The following OXA1L variants were observed in gnomAD, a reference collection of about 807,000 sequenced individuals.
OXA1L encodes OXA1L mitochondrial inner membrane insertase, also known as mitochondrial inner membrane protein OXA1L.
OXA1L carries 42 observed loss-of-function variants against 52.2 expected under a neutral mutation model. The observed-to-expected ratio is 0.80, with a 90% CI of 0.63 to 1.04. The LOEUF (loss-of-function observed/expected upper bound fraction) is 1.04. Ranked by LOEUF, OXA1L falls within the 50% of genes least tolerant of loss-of-function variation. The pLI is 0.00. For synonymous variants in OXA1L, 239 were observed against 201.9 expected, an observed-to-expected ratio of 1.18 and a Z score of -1.56; for missense variants, 572 against 555.0, an observed-to-expected ratio of 1.03 and a Z score of -0.31.
At chr14:22,771,381 T>C in intron 9 of OXA1L, 33 bp downstream of exon 9, 1 of 1,613,870 alleles carries the variant, frequency 6.2e-7, no homozygotes, top group Non-Finnish European at 8.5e-7. Context: ...ATTCTGTCTT[T>C]TGTTTCTTCC....
chr14:22,767,511 G>T, intron 2 of OXA1L, 102 bp downstream of exon 2: 1 of 995,454 alleles, frequency 1.0e-6, no homozygotes, highest in Non-Finnish European at 1.5e-6. Context: ...CAGAGTTCTT[G>T]TCCACGCTCC....
chr14:22,770,140 ACCTCC>A, intron 4 of OXA1L, 48 bp from the exon 5 acceptor site: 11 of 1,390,040 alleles, frequency 7.9e-6, no homozygotes, highest in Non-Finnish European at 1.1e-5. Context: ...GAGGATGTTC[ACCTCC>A]ACTGATGTAA....
At chr14:22,767,204 T>G (rs755206825) in intron 1 of OXA1L, 44 bp from the exon 2 acceptor site, 17 of 1,579,228 alleles carry the variant, frequency 1.1e-5, no homozygotes, top group Non-Finnish European at 1.4e-5. Flanking sequence ...CGCGAGGACT[T>G]CTGCTCCCGG....
In OXA1L at chr14:22,772,254, G is replaced by A. The variant is rs2038477470; in HGVS notation, c.*696G>A. ...ATCCCAGCACTTTTGGGAGGCCAAG[G>A]CGGGCGGATCACGAAGTCAGCAGAT... On this transcript the variant is annotated 3_prime_UTR_variant, in exon 10 of 10. Transcript: ENST00000612549. The A allele has an allele frequency of 6.6e-6, 1 of 151,152 alleles. No homozygotes were observed. Among genetic ancestry groups the A allele is most frequent in the Non-Finnish European group, 1.5e-5 (1 of 67,858 alleles). 9.4% of individuals were successfully genotyped at this position (151,152 alleles called of 1,614,324 possible). A position where few individuals can be genotyped will look rare whatever the true frequency, so the allele number is the denominator to read the frequency against.
intron 4 of OXA1L, 54 bp from the exon 5 acceptor site, chr14:22,770,137 TTC>T: frequency 7.9e-6 from 11 of 1,384,400 alleles, no homozygotes; most frequent in Non-Finnish European, 1.1e-5. Flanking sequence ...AATGAGGATG[TTC>T]ACCTCCACTG....
At position 22,768,077 on chromosome 14, in the gene OXA1L, G is replaced by C. The variant is rs2038425532; in HGVS notation, c.345G>C (p.Gly115=). Residue 115 remains glycine (G), a synonymous_variant, in exon 3 of 10, where the codon GGG becomes GGC. Transcript: ENST00000612549. ...TAAEQSFAEL[G]LGSYTPVGLI... Reference sequence around the variant, plus strand: ...CAGAGCAGAGCTTCGCTGAACTGGGGCTGGGGTCATACACCCCAGTGGGAC... The same window carrying C: ...CAGAGCAGAGCTTCGCTGAACTGGGCCTGGGGTCATACACCCCAGTGGGAC... The C allele has an allele frequency of 6.2e-7, 1 of 1,613,834 alleles. No homozygotes were observed. The highest frequency in any genetic ancestry group is 1.7e-5 in the Admixed American group (1 of 60,012).
intron 2 of OXA1L, 173 bp from the exon 3 acceptor site, chr14:22,767,781 CCTAA>C (rs1379328361): frequency 3.3e-5 from 18 of 549,578 alleles, no homozygotes; most frequent in Non-Finnish European, 5.1e-5. Context: ...AACTTCTCTT[CCTAA>C]CTATTGATAA....
At chr14:22,769,265 T>G (rs573575056) in intron 3 of OXA1L, among the ~76,000 whole-genome samples, 3 of 152,346 alleles carry the variant, frequency 2.0e-5, no homozygotes, top group East Asian at 3.8e-4. Context: ...TCATTTGTTT[T>G]GATTTTTAGA....
chr14:22,770,555 A>T lies in OXA1L; in HGVS notation c.764A>T (p.Asp255Val). 6.2e-7 allele frequency: 1 copy of T among 1,614,140 alleles called. No homozygotes were observed. ...LQTGGLWWFQDLTVSDPIYIL... is the reference protein window; with the variant it reads ...LQTGGLWWFQVLTVSDPIYIL... ...ACAGGTGGCCTCTGGTGGTTCCAGG[A>T]TCTCACGGTATCCGATCCCATCTAC... The change falls in exon 6 of 10, where the codon GAT becomes GTT. Residue 255 changes from aspartate (D) to valine (V), a missense_variant. Coordinates refer to ENST00000612549, the MANE Select transcript of OXA1L (RefSeq NM_005015.5).
rs56136068 is a variant in OXA1L, at chr14:22,772,488, C to CAAAAAAAAAAAAAAAAAAA, written c.*943_*961dup. ...TGGGCAAGAGAGTGAGACTCCTTCT[C>CAAAAAAAAAAAAAAAAAAA]AAAAAAAAAAAAAAAAAAAAAAAAA... On this transcript the variant is annotated 3_prime_UTR_variant, in exon 10 of 10. Coordinates refer to ENST00000612549, the MANE Select transcript of OXA1L (RefSeq NM_005015.5). 3.9e-5 allele frequency: 3 copies of CAAAAAAAAAAAAAAAAAAA among 76,002 alleles called. No homozygotes were observed. The highest frequency in any genetic ancestry group is 1.3e-4 in the African/African-American group (2 of 15,980). 4.7% of individuals were successfully genotyped at this position (76,002 alleles called of 1,614,324 possible). A position where few individuals can be genotyped will look rare whatever the true frequency, so the allele number is the denominator to read the frequency against.
At position 22,769,898 on chromosome 14, in the gene OXA1L, A is replaced by G. The variant is rs2038443419; in HGVS notation, c.547A>G (p.Ile183Val). ...LPEIQKFSSR[I>V]REAKLAGDHI... ...AGAGATCCAGAAGTTTTCCAGTCGA[A>G]TCAGAGAGGCCAAGTTAGCAGGAGA... The change falls in exon 4 of 10, where the codon ATC (isoleucine) becomes GTC (valine). Residue 183 changes from isoleucine to valine, a missense_variant. By Grantham distance (29) the Ile-to-Val change is conservative. This residue lies in a region of OXA1L where 132 missense variants were observed against 124.0 expected (regional missense o/e 1.06). Coordinates refer to ENST00000612549, the MANE Select transcript of OXA1L (RefSeq NM_005015.5). 2 of 1,614,210 alleles carry G rather than the reference A, an allele frequency of 1.2e-6. No homozygotes were observed. Among genetic ancestry groups the G allele is most frequent in the Non-Finnish European group, 1.7e-6 (2 of 1,180,040 alleles).
At position 22,771,502 on chromosome 14, in the gene OXA1L, C is replaced by T. The variant is rs186311950; in HGVS notation, c.1252C>T (p.Pro418Ser). ...TGGAAAGGATAACCCTCCCAATATC[C>T]CTAGCAGCAGCAGCAAACCAAAGTC... ...QPGKDNPPNIPSSSSKPKSKY... is the reference protein window; with the variant it reads ...QPGKDNPPNISSSSSKPKSKY... The change falls in exon 10 of 10, where the codon CCT becomes TCT. Residue 418 changes from proline to serine, a missense_variant. Coordinates refer to ENST00000612549, the MANE Select transcript of OXA1L (RefSeq NM_005015.5). 17 of 1,546,812 alleles carry T rather than the reference C, an allele frequency of 1.1e-5. No homozygotes were observed. In the East Asian group the frequency reaches 3.4e-4, roughly 31 times the overall value.
In OXA1L at chr14:22,771,535, C is replaced by G; in HGVS notation, c.1285C>G (p.Pro429Ala). The G allele has an allele frequency of 6.2e-7, 1 of 1,614,184 alleles. No individual in the cohort carries two copies. The highest frequency in any genetic ancestry group is 8.5e-7 in the Non-Finnish European group (1 of 1,180,014). ...SSSSKPKSKY[P>A]WHDTLG ...CAGCAGCAAACCAAAGTCAAAGTAT[C>G]CCTGGCACGACACACTTGGCTGACT... The change falls in exon 10 of 10, where the codon CCC (proline) becomes GCC (alanine). Residue 429 changes from proline (P) to alanine (A), a missense_variant. Pro to Ala is a conservative substitution (Grantham distance 27). Around this residue, in one of 5 missense-constraint regions of OXA1L, gnomAD observed 244 missense variants for 240.2 expected, o/e 1.02. Coordinates refer to ENST00000612549, the MANE Select transcript of OXA1L (RefSeq NM_005015.5).
rs889335632 is a variant in OXA1L, at chr14:22,771,885, A to G, written c.*327A>G. The G allele has an allele frequency of 4.1e-5, 10 of 245,664 alleles. No homozygotes were observed. Among genetic ancestry groups the G allele is most frequent in the Non-Finnish European group, 7.2e-5 (9 of 125,502 alleles). The allele number at this position is 245,664 out of a possible 1,614,324, so 15.2% of individuals were successfully genotyped here. On this transcript the variant is annotated 3_prime_UTR_variant, in exon 10 of 10. Transcript: ENST00000612549. ...GAGGCCGAGGTGGGTGGATCACCTG[A>G]GATCAGGAGTTTGAGACCAGCCTGG...
intron 1 of OXA1L, 94 bp downstream of exon 1, chr14:22,766,858 G>C (rs1299272307): frequency 5.7e-6 from 9 of 1,571,978 alleles, no homozygotes; most frequent in Non-Finnish European, 6.9e-6. Context: ...AGCAGACGCT[G>C]ACCTGCTCAC....
chr14:22,766,924 C>A, intron 1 of OXA1L, 160 bp downstream of exon 1: 1 of 1,513,484 alleles, frequency 6.6e-7, no homozygotes, highest in South Asian at 1.2e-5. Context: ...GGTTAGTCCC[C>A]GACACTATGG....
Position 22,768,057 on chromosome 14 carries a change from C to T in OXA1L, c.325C>T (p.Gln109Ter), listed in dbSNP as rs774219748. The change falls in exon 3 of 10, where the codon CAG becomes TAG. Residue 109 changes from glutamine to a stop codon, truncating the protein, a stop_gained. Transcript: ENST00000612549. LOFTEE classifies it high-confidence loss of function. ...AGATGTAGTCCAAACTGCTGCAGAGCAGAGCTTCGCTGAACTGGGGCTGGG... is the reference window on the plus strand; with the variant it reads ...AGATGTAGTCCAAACTGCTGCAGAGTAGAGCTTCGCTGAACTGGGGCTGGG... Reference protein sequence around the residue: ...TADVVQTAAEQSFAELGLGSY... With the variant: ...TADVVQTAAE The T allele has an allele frequency of 2.9e-5, 47 of 1,614,012 alleles. No individual in the cohort carries two copies. The highest frequency in any genetic ancestry group is 3.7e-5 in the Non-Finnish European group (44 of 1,179,962).
chr14:22,771,572 C>T lies in OXA1L; in HGVS notation c.*14C>T, dbSNP rs144381763. The T allele has an allele frequency of 5.0e-4, 806 of 1,613,810 alleles. 7 individuals are homozygous for T. The East Asian group carries it at 0.011, about 22-fold the overall frequency. ...ACACTTGGCTGACTTATGTTCTGTG[C>T]GCATTCTGGCAGGAATTCTGTCTCT... On this transcript the variant is annotated 3_prime_UTR_variant, in exon 10 of 10. Transcript: ENST00000612549.
At chr14:22,770,389 G>A (rs2038447809) in intron 5 of OXA1L, 72 bp from the exon 6 acceptor site, 2 of 1,574,648 alleles carry the variant, frequency 1.3e-6, no homozygotes, top group African/African-American at 1.4e-5. Context: ...ATTATACATG[G>A]CTTTCAGTAG....
Sources: allele counts gnomAD v4.1 joint callset (sites outside exome capture counted in the v4.1 genomes callset), GRCh38; gene constraint gnomAD v4.1.1; regional missense constraint gnomAD v4.1.1; transcripts MANE v1.5; gene names NCBI Gene and HGNC (gene_info 2026-07-23, HGNC 2026-07-21).